The following MARCHF11 variants were observed in gnomAD, a reference collection of about 807,000 sequenced individuals.
The protein encoded by MARCHF11 is E3 ubiquitin-protein ligase MARCHF11.
MARCHF11 carries 29 observed loss-of-function variants against 37.3 expected under a neutral mutation model. That is an observed-to-expected ratio of 0.78 (90% CI 0.58 to 1.06). The LOEUF (loss-of-function observed/expected upper bound fraction) is 1.06, where lower values mean the gene tolerates loss of function less well. Among genes scored for constraint, MARCHF11 ranks in the 50% least tolerant of loss-of-function variants. The probability of loss-of-function intolerance (pLI) is 0.00; values close to 1 mark genes in which losing one functional copy is unlikely to be tolerated. For missense variants in MARCHF11, 482 were observed against 533.4 expected (o/e 0.90, Z 0.95); for synonymous variants, 233 against 228.0 (o/e 1.02, Z -0.20).
intron 3 of MARCHF11, among the ~76,000 whole-genome samples, chr5:16,075,915 G>A (rs1410274469): frequency 6.6e-6 from 1 of 151,956 alleles, no homozygotes; most frequent in African/African-American, 2.4e-5. Context: ...TCTGTGTTCA[G>A]CCCCAGCAAA....
intron 3 of MARCHF11, among the ~76,000 whole-genome samples, chr5:16,082,301 G>A (rs957207074): frequency 7.2e-5 from 11 of 152,184 alleles, no homozygotes; most frequent in South Asian, 2.1e-4. Flanking sequence ...CCTGGGGCGC[G>A]AAGCATGCTA....
At chr5:16,112,286 A>G (rs1335857008) in intron 2 of MARCHF11, among the ~76,000 whole-genome samples, 2 of 152,200 alleles carry the variant, frequency 1.3e-5, no homozygotes, top group Non-Finnish European at 2.9e-5. Flanking sequence ...AGCCCATGAC[A>G]GCAGTCAAGA....
chr5:16,141,467 C>G (rs142239850), intron 2 of MARCHF11: 2 of 152,180 alleles, frequency 1.3e-5, no homozygotes, highest in South Asian at 4.1e-4. Context: ...TCCCAAGAAG[C>G]GCACAGTGTC....
chr5:16,096,827 T>C (rs1328184255), intron 2 of MARCHF11, among the ~76,000 whole-genome samples: 14 of 152,188 alleles, frequency 9.2e-5, no homozygotes, highest in Non-Finnish European at 1.8e-4. Context: ...AGGTGGACCT[T>C]TCTGTTGTCT....
intron 2 of MARCHF11, among the ~76,000 whole-genome samples, chr5:16,172,976 G>C (rs1032917836): frequency 6.6e-6 from 1 of 152,158 alleles, no homozygotes; most frequent in Non-Finnish European, 1.5e-5. Flanking sequence ...AGTCCTTCTT[G>C]CTAAGAGATT....
At chr5:16,165,360 C>CT (rs1309050133) in intron 2 of MARCHF11, among the ~76,000 whole-genome samples, 3 of 151,674 alleles carry the variant, frequency 2.0e-5, no homozygotes, top group African/African-American at 7.3e-5. Context: ...TAATATCTTA[C>CT]ATTGCTATAG....
Position 16,152,850 on chromosome 5 carries a change from T to C in MARCHF11, c.693+24876A>G, listed in dbSNP as rs1040898163. Among the ~76,000 whole-genome samples, 3 of 152,156 alleles carry C rather than the reference T, an allele frequency of 2.0e-5. 1 individual carries two copies. The highest frequency in any genetic ancestry group is 3.4e-3 in the Middle Eastern group (1 of 294). On this transcript the variant is annotated intron_variant, in intron 2 of 3. Transcript: ENST00000332432. ...TATTACTATGATTAAGCACCAATAA[T>C]GTCATCTGGACTACATAGAGTATAA...
Position 16,105,406 on chromosome 5 carries a change from C to T in MARCHF11, c.694-14325G>A, listed in dbSNP as rs16868115. 3.5e-3 allele frequency among the ~76,000 whole-genome samples: 527 copies of T among 152,278 alleles called. 1 individual carries two copies. Among genetic ancestry groups the T allele is most frequent in the African/African-American group, 0.012 (508 of 41,550 alleles). The stretch of plus-strand genomic sequence containing the variant: ...GTTTCTATGAGTTCCTAGAATTCCT[C>T]GCAGTCCTTTAGTTTTCCCATCAAT... On this transcript the variant is annotated intron_variant, in intron 2 of 3. Transcript: ENST00000332432.
chr5:16,067,317 GA>G lies in MARCHF11; in HGVS notation c.*153del, dbSNP rs1229981500. 10 of 669,102 alleles carry G rather than the reference GA, an allele frequency of 1.5e-5. No homozygotes were observed. Among genetic ancestry groups the G allele is most frequent in the Non-Finnish European group, 2.4e-5 (10 of 412,110 alleles). 41.4% of individuals were successfully genotyped at this position (669,102 alleles called of 1,614,324 possible). A position where few individuals can be genotyped will look rare whatever the true frequency, so the allele number is the denominator to read the frequency against. ...AAGAACAAGAGGACTCTTTTTCTCA[GA>G]AAAATGTATTTGCAATTCAAATGTT... On this transcript the variant is annotated 3_prime_UTR_variant, in exon 4 of 4. Transcript: ENST00000332432.
Position 16,179,238 on chromosome 5 carries a change from G to C in MARCHF11, c.338C>G (p.Ala113Gly). The C allele has an allele frequency of 7.4e-7, 1 of 1,343,976 alleles. No homozygotes were observed. The allele number at this position is 1,343,976 out of a possible 1,614,324, so 83.3% of individuals were successfully genotyped here. A position where few individuals can be genotyped will look rare whatever the true frequency, so the allele number is the denominator to read the frequency against. Residue 113 changes from alanine (A) to glycine (G), a missense_variant, in exon 1 of 4, where the codon GCA (alanine) becomes GGA (glycine). Transcript: ENST00000332432. ...GEGPRRLPEAAAAKGGPGESE... is the reference protein window; with the variant it reads ...GEGPRRLPEAGAAKGGPGESE... ...CTCCCCGGGGCCGCCTTTCGCTGCTGCCGCCTCCGGGAGGCGCCTCGGACC... is the reference window on the plus strand; with the variant it reads ...CTCCCCGGGGCCGCCTTTCGCTGCTCCCGCCTCCGGGAGGCGCCTCGGACC...
intron 2 of MARCHF11, among the ~76,000 whole-genome samples, chr5:16,119,893 G>A (rs955564775): frequency 6.6e-6 from 1 of 152,152 alleles, no homozygotes; most frequent in Non-Finnish European, 1.5e-5. Flanking sequence ...AAATGAATGC[G>A]CTTAAAATGC....
At chr5:16,175,750 G>A (rs553991896) in intron 2 of MARCHF11, among the ~76,000 whole-genome samples, 3 of 152,202 alleles carry the variant, frequency 2.0e-5, no homozygotes, top group Non-Finnish European at 4.4e-5. Flanking sequence ...AGATACATGT[G>A]CATCTGACGT....
intron 2 of MARCHF11, among the ~76,000 whole-genome samples, chr5:16,160,714 C>A (rs2126604176): frequency 6.6e-6 from 1 of 151,918 alleles, no homozygotes; most frequent in South Asian, 2.1e-4. Flanking sequence ...ATCAAAATCT[C>A]ATCAAATAGA....
chr5:16,113,987 T>C (rs1579389393), intron 2 of MARCHF11, among the ~76,000 whole-genome samples: 2 of 152,310 alleles, frequency 1.3e-5, no homozygotes, highest in South Asian at 4.1e-4. Flanking sequence ...CATTCCACTC[T>C]CTACCTCTAT....
At chr5:16,166,892 TG>T (rs1354333769) in intron 2 of MARCHF11, among the ~76,000 whole-genome samples, 1 of 380 alleles carries the variant, frequency 2.6e-3, no homozygotes, top group Non-Finnish European at 0.033. Context: ...ACCAACAGGA[TG>T]TGTGTGTGTG....
intron 2 of MARCHF11, among the ~76,000 whole-genome samples, chr5:16,166,220 G>A (rs1021844748): frequency 6.6e-6 from 1 of 151,898 alleles, no homozygotes; most frequent in Non-Finnish European, 1.5e-5. Context: ...GGCACTACAA[G>A]GAGCTCCAGT....
chr5:16,099,910 G>A (rs1040698738), intron 2 of MARCHF11, among the ~76,000 whole-genome samples: 2 of 152,156 alleles, frequency 1.3e-5, no homozygotes, highest in Middle Eastern at 3.2e-3. Flanking sequence ...CTCCCGATGT[G>A]TACTCGGGAA....
chr5:16,163,786 A>C (rs1426008279), intron 2 of MARCHF11, among the ~76,000 whole-genome samples: 2 of 152,088 alleles, frequency 1.3e-5, no homozygotes, highest in African/African-American at 4.8e-5. Flanking sequence ...GATACTATTA[A>C]GACGTGGAGC....
chr5:16,114,086 C>T (rs890644681), intron 2 of MARCHF11, among the ~76,000 whole-genome samples: 6 of 152,038 alleles, frequency 3.9e-5, no homozygotes, highest in African/African-American at 9.7e-5. Context: ...AAAATAATAA[C>T]CTTCAGTTCC....
Sources: allele counts gnomAD v4.1 joint callset (sites outside exome capture counted in the v4.1 genomes callset), GRCh38; gene constraint gnomAD v4.1.1; transcripts MANE v1.5; gene names NCBI Gene and HGNC (gene_info 2026-07-23, HGNC 2026-07-21).